Variants in CDK8 observed in about 807,000 individuals in gnomAD.
The protein encoded by CDK8 is cyclin-dependent kinase 8.
In CDK8, 29 loss-of-function variants were observed where a neutral mutation model predicts 71.5. The ratio of observed to expected loss-of-function variants is 0.41; its 90% CI spans 0.30 to 0.55. The LOEUF is 0.55. Among genes scored for constraint, CDK8 ranks in the 20% least tolerant of loss-of-function variants. The probability of loss-of-function intolerance (pLI) is 0.37; values close to 1 mark genes in which losing one functional copy is unlikely to be tolerated. For missense variants in CDK8, 288 were observed against 572.6 expected (o/e 0.50, Z 5.07); for synonymous variants, 161 against 192.1 (o/e 0.84, Z 1.34).
chr13:26,397,637 A>G (rs920765505), intron 9 of CDK8, among the ~76,000 whole-genome samples: 3 of 152,162 alleles, frequency 2.0e-5, no homozygotes, highest in African/African-American at 7.2e-5. Flanking sequence ...TTAATTTCCA[A>G]AATACCTCTT....
chr13:26,373,423 A>G (rs900898495), intron 4 of CDK8, among the ~76,000 whole-genome samples: 3 of 152,224 alleles, frequency 2.0e-5, no homozygotes, highest in African/African-American at 7.2e-5. Context: ...CAGCCTTTCT[A>G]GAAAGCAAGA....
At chr13:26,360,027 A>C (rs1874065577) in intron 4 of CDK8, among the ~76,000 whole-genome samples, 1 of 152,194 alleles carries the variant, frequency 6.6e-6, no homozygotes, top group African/African-American at 2.4e-5. Flanking sequence ...GGCCTCTTTC[A>C]GTAGAACTGA....
chr13:26,290,292 T>C (rs1873234457), intron 1 of CDK8, among the ~76,000 whole-genome samples: 1 of 152,240 alleles, frequency 6.6e-6, no homozygotes, highest in Non-Finnish European at 1.5e-5. Flanking sequence ...CACTTAATTT[T>C]CTTTCATTTA....
In CDK8 at chr13:26,396,669, A is replaced by G. The variant is rs189052893; in HGVS notation, c.860+315A>G. On this transcript the variant is annotated intron_variant, in intron 8 of 12. Transcript: ENST00000381527. ...CAGCTGAATAAATAAGAATCTAAATAAATAAACTTTGGTAATAGCCACTTG... is the reference window on the plus strand; with the variant it reads ...CAGCTGAATAAATAAGAATCTAAATGAATAAACTTTGGTAATAGCCACTTG... 2.7e-4 allele frequency among the ~76,000 whole-genome samples: 41 copies of G among 152,256 alleles called. No homozygotes were observed. In the East Asian group the frequency reaches 7.5e-3, roughly 28 times the overall value.
chr13:26,284,297 C>T (rs1031152132), intron 1 of CDK8, among the ~76,000 whole-genome samples: 1 of 151,986 alleles, frequency 6.6e-6, no homozygotes, highest in Non-Finnish European at 1.5e-5. Context: ...AAGATTAGAG[C>T]AGAACTAAAC....
At chr13:26,369,636 C>T (rs1173762918) in intron 4 of CDK8, among the ~76,000 whole-genome samples, 3 of 145,384 alleles carry the variant, frequency 2.1e-5, no homozygotes, top group South Asian at 2.2e-4. Flanking sequence ...TCATGCCATT[C>T]TCCTACCTCA....
chr13:26,390,969 C>T (rs977589440), intron 6 of CDK8, among the ~76,000 whole-genome samples: 2 of 146,520 alleles, frequency 1.4e-5, no homozygotes, highest in African/African-American at 5.1e-5. Flanking sequence ...CAGGTGAACA[C>T]TAAAGAGACT....
intron 4 of CDK8, among the ~76,000 whole-genome samples, chr13:26,379,238 TC>T: frequency 1.3e-5 from 2 of 152,300 alleles, no homozygotes; most frequent in Admixed American, 1.3e-4. Flanking sequence ...CCAAACGGAA[TC>T]TGAATTCACT....
intron 1 of CDK8, among the ~76,000 whole-genome samples, chr13:26,307,101 A>G (rs1174147387): frequency 1.3e-5 from 2 of 152,220 alleles, no homozygotes; most frequent in African/African-American, 4.8e-5. Context: ...ATAAAACATT[A>G]GAAAAGTTAT....
At chr13:26,313,698 T>C (rs1423773812) in intron 1 of CDK8, among the ~76,000 whole-genome samples, 1 of 152,152 alleles carries the variant, frequency 6.6e-6, no homozygotes, top group East Asian at 1.9e-4. Context: ...TTCAGAGAGA[T>C]TGAGTGATGT....
intron 4 of CDK8, among the ~76,000 whole-genome samples, chr13:26,378,086 T>C (rs1396311963): frequency 1.3e-5 from 2 of 152,220 alleles, no homozygotes; most frequent in Non-Finnish European, 2.9e-5. Context: ...TTAGTAAATA[T>C]CTGAAGACTT....
At chr13:26,300,574 A>G (rs772834867) in intron 1 of CDK8, among the ~76,000 whole-genome samples, 2 of 152,220 alleles carry the variant, frequency 1.3e-5, no homozygotes, top group East Asian at 3.8e-4. Flanking sequence ...CTCTTTGCCT[A>G]TGTCCTGTCT....
chr13:26,371,158 C>T (rs1489501229), intron 4 of CDK8, among the ~76,000 whole-genome samples: 4 of 152,086 alleles, frequency 2.6e-5, no homozygotes, highest in African/African-American at 9.7e-5. Flanking sequence ...TCATTGTTAA[C>T]AGATTATAGT....
chr13:26,348,367 A>G (rs1338114765), intron 2 of CDK8, among the ~76,000 whole-genome samples: 1 of 152,148 alleles, frequency 6.6e-6, no homozygotes, highest in Admixed American at 6.5e-5. Flanking sequence ...AGCCACAGGC[A>G]AGCGAGCATT....
intron 1 of CDK8, among the ~76,000 whole-genome samples, chr13:26,280,980 C>T (rs190789110): frequency 1.7e-3 from 256 of 152,336 alleles, no homozygotes; most frequent in African/African-American, 4.2e-3. Context: ...TCTGTGAGAC[C>T]GGCAGAAATC....
At chr13:26,338,247 A>G (rs1443651479) in intron 2 of CDK8, among the ~76,000 whole-genome samples, 1 of 151,998 alleles carries the variant, frequency 6.6e-6, no homozygotes, top group East Asian at 1.9e-4. Context: ...GTGGGTCCAA[A>G]TGTGTCTTTT....
At chr13:26,393,183 TG>T (rs1875830631) in intron 6 of CDK8, among the ~76,000 whole-genome samples, 183 bp from the exon 7 acceptor site, 1 of 152,146 alleles carries the variant, frequency 6.6e-6, no homozygotes, top group Admixed American at 6.5e-5. Flanking sequence ...TAATGTTTCA[TG>T]GTATTTAGTA....
intron 1 of CDK8, among the ~76,000 whole-genome samples, chr13:26,257,289 C>T (rs2137846866): frequency 6.6e-6 from 1 of 152,176 alleles, no homozygotes; most frequent in South Asian, 2.1e-4. Context: ...AACGTTGTAT[C>T]CTTTCAGTTG....
In CDK8 at chr13:26,360,697, T is replaced by A. The variant is rs534598290; in HGVS notation, c.456+6817T>A. ...CAATTTGTGTATACAATATTGCATGTTTGTTGAATGAATGAACTAGCTTAC... is the reference window on the plus strand; with the variant it reads ...CAATTTGTGTATACAATATTGCATGATTGTTGAATGAATGAACTAGCTTAC... On this transcript the variant is annotated intron_variant, in intron 4 of 12. Transcript: ENST00000381527. 3.9e-5 allele frequency among the ~76,000 whole-genome samples: 6 copies of A among 152,322 alleles called. No homozygotes were observed. The East Asian group carries it at 1.2e-3, about 29-fold the overall frequency.
Sources: allele counts gnomAD v4.1 joint callset (sites outside exome capture counted in the v4.1 genomes callset), GRCh38; gene constraint gnomAD v4.1.1; transcripts MANE v1.5; gene names NCBI Gene and HGNC (gene_info 2026-07-23, HGNC 2026-07-21).